NUP98: variants seen among roughly 807,000 people sequenced by gnomAD.
NUP98 encodes the protein nucleoporin 98 and 96 precursor.
Under a neutral mutation model 191.9 loss-of-function variants are expected in NUP98, and 26 were observed. The ratio of observed to expected loss-of-function variants is 0.14; its 90% CI spans 0.10 to 0.19. The LOEUF (loss-of-function observed/expected upper bound fraction) is 0.19, where lower values mean the gene tolerates loss of function less well. Among genes scored for constraint, NUP98 ranks in the 10% least tolerant of loss-of-function variants. NUP98 has a pLI of 1.00. For missense variants in NUP98, 1,941 were observed against 2,178.8 expected (o/e 0.89, Z 2.17); for synonymous variants, 808 against 778.4 (o/e 1.04, Z -0.63).
At chr11:3,776,445 C>T (rs2081734503) in intron 4 of NUP98, among the ~76,000 whole-genome samples, 2 of 150,944 alleles carry the variant, frequency 1.3e-5, no homozygotes. Flanking sequence ...AAATTTTTCA[C>T]CTTTCAAGTC....
At chr11:3,718,519 G>A (rs1564839181) in intron 18 of NUP98, among the ~76,000 whole-genome samples, 1 of 151,888 alleles carries the variant, frequency 6.6e-6, no homozygotes, top group Non-Finnish European at 1.5e-5. Flanking sequence ...TTGGGCAAAG[G>A]AGTGAAACTC....
chr11:3,687,894 G>T (rs2078177957), intron 28 of NUP98, among the ~76,000 whole-genome samples: 1 of 151,674 alleles, frequency 6.6e-6, no homozygotes, highest in Non-Finnish European at 1.5e-5. Context: ...GCTGGGTGCA[G>T]TGACTCATGC....
At chr11:3,754,294 C>T (rs189626779) in intron 10 of NUP98, among the ~76,000 whole-genome samples, 4 of 152,080 alleles carry the variant, frequency 2.6e-5, no homozygotes, top group East Asian at 2.0e-4. Flanking sequence ...GGCATGATGG[C>T]GCATGCCTAT....
At chr11:3,776,649 T>A (rs1222332334) in intron 4 of NUP98, among the ~76,000 whole-genome samples, 2 of 151,546 alleles carry the variant, frequency 1.3e-5, no homozygotes, top group Non-Finnish European at 2.9e-5. Context: ...CAAACCCGGC[T>A]AATTTTTTGT....
At chr11:3,743,112 G>A (rs1454895182) in intron 12 of NUP98, among the ~76,000 whole-genome samples, 1 of 151,560 alleles carries the variant, frequency 6.6e-6, no homozygotes, top group Non-Finnish European at 1.5e-5. Flanking sequence ...TCCACCTACC[G>A]GGTCCAAGCG....
intron 11 of NUP98, among the ~76,000 whole-genome samples, chr11:3,752,546 T>TA (rs944744688): frequency 8.4e-5 from 12 of 142,226 alleles, no homozygotes; most frequent in Admixed American, 4.2e-4. Flanking sequence ...AATAAATAAA[T>TA]AAAAAAGAAG....
At chr11:3,731,884 ATTTCTT>A (rs1216799242) in intron 13 of NUP98, among the ~76,000 whole-genome samples, 4 of 152,138 alleles carry the variant, frequency 2.6e-5, no homozygotes, top group Non-Finnish European at 5.9e-5. Context: ...CCCAATGAGC[ATTTCTT>A]TTGAATGTCA....
chr11:3,788,068 A>G (rs1236084486), intron 1 of NUP98, among the ~76,000 whole-genome samples: 2 of 152,098 alleles, frequency 1.3e-5, no homozygotes, highest in African/African-American at 4.8e-5. Flanking sequence ...AGCTGCTTTT[A>G]GTTATGCAAT....
chr11:3,741,419 C>T (rs1307994300), intron 12 of NUP98, among the ~76,000 whole-genome samples: 3 of 151,828 alleles, frequency 2.0e-5, no homozygotes, highest in African/African-American at 7.3e-5. Context: ...GTCAGGAGTT[C>T]GAGACCAGCC....
chr11:3,682,324 G>A (rs1490174037), intron 30 of NUP98, among the ~76,000 whole-genome samples: 1 of 152,140 alleles, frequency 6.6e-6, no homozygotes, highest in East Asian at 1.9e-4. Flanking sequence ...TGGCTGTTTG[G>A]CAAAGAGGCT....
intron 8 of NUP98, among the ~76,000 whole-genome samples, chr11:3,766,135 G>C (rs1362353194): frequency 2.0e-5 from 3 of 152,156 alleles, no homozygotes; most frequent in South Asian, 4.1e-4. Context: ...AGCACTTTGG[G>C]AGTCCAAGGA....
chr11:3,700,378 A>G (rs1008160686), intron 24 of NUP98, among the ~76,000 whole-genome samples: 7 of 152,136 alleles, frequency 4.6e-5, no homozygotes, highest in African/African-American at 1.4e-4. Flanking sequence ...TTGACTTGCT[A>G]CAGTTCTTTG....
intron 25 of NUP98, 103 bp downstream of exon 25, chr11:3,698,979 T>C: frequency 1.5e-6 from 2 of 1,337,810 alleles, no homozygotes; most frequent in Admixed American, 2.0e-5. Flanking sequence ...TTAATACTCA[T>C]AGGCTAGAAG....
At chr11:3,687,176 G>A (rs564152455) in intron 28 of NUP98, among the ~76,000 whole-genome samples, 1 of 151,986 alleles carries the variant, frequency 6.6e-6, no homozygotes, top group Non-Finnish European at 1.5e-5. Flanking sequence ...TCAAGTGATC[G>A]TCCCACTTCA....
At chr11:3,746,003 C>T (rs2080475368) in intron 11 of NUP98, among the ~76,000 whole-genome samples, 1 of 152,134 alleles carries the variant, frequency 6.6e-6, no homozygotes, top group Admixed American at 6.6e-5. Context: ...GGCACGGTGC[C>T]TCACGCCTGT....
intron 1 of NUP98, among the ~76,000 whole-genome samples, chr11:3,791,533 CAAAAAAAAA>C (rs71041395): frequency 3.0e-5 from 2 of 67,214 alleles, no homozygotes; most frequent in Non-Finnish European, 5.3e-5. Context: ...GACCTCGTCT[CAAAAAAAAA>C]AAAAAAAAAA....
At chr11:3,763,122 A>T in intron 8 of NUP98, 83 bp from the exon 9 acceptor site, 1 of 1,359,072 alleles carries the variant, frequency 7.4e-7, no homozygotes, top group Non-Finnish European at 1.0e-6. Flanking sequence ...AAAAGTTACC[A>T]TTTTTTCAAG....
At chr11:3,698,282 C>T (rs2078573390) in intron 25 of NUP98, among the ~76,000 whole-genome samples, 1 of 152,086 alleles carries the variant, frequency 6.6e-6, no homozygotes, top group African/African-American at 2.4e-5. Flanking sequence ...GTACAAATTG[C>T]ACATTAAAAT....
chr11:3,680,587 G>A (rs1039441653), intron 30 of NUP98, among the ~76,000 whole-genome samples: 3 of 152,140 alleles, frequency 2.0e-5, no homozygotes, highest in Non-Finnish European at 4.4e-5. Context: ...TCTCACTCAG[G>A]CTGGAGCACA....
Sources: allele counts gnomAD v4.1 joint callset (sites outside exome capture counted in the v4.1 genomes callset), GRCh38; gene constraint gnomAD v4.1.1; transcripts MANE v1.5; gene names NCBI Gene and HGNC (gene_info 2026-07-23, HGNC 2026-07-21).